TP53BP1: variants seen among roughly 807,000 people sequenced by gnomAD.
TP53BP1 encodes tumor protein p53 binding protein 1.
TP53BP1 carries 61 observed loss-of-function variants against 200.8 expected under a neutral mutation model. The observed-to-expected ratio is 0.30, with a 90% CI of 0.25 to 0.38. The LOEUF (loss-of-function observed/expected upper bound fraction) is 0.38, where lower values mean the gene tolerates loss of function less well. Among genes scored for constraint, TP53BP1 ranks in the 10% least tolerant of loss-of-function variants. TP53BP1 has a pLI of 1.00. For synonymous variants in TP53BP1, 822 were observed against 844.3 expected (o/e 0.97, Z 0.46); for missense variants, 2,144 against 2,371.9 (o/e 0.90, Z 2.00).
intron 14 of TP53BP1, 36 bp downstream of exon 14, chr15:43,446,351 C>T (rs369777834): frequency 5.2e-5 from 77 of 1,490,244 alleles, no homozygotes; most frequent in Non-Finnish European, 6.9e-5. Flanking sequence ...AGATAATCTG[C>T]AGCTACTAAT....
At chr15:43,458,118 T>C (rs1161596801) in intron 11 of TP53BP1, among the ~76,000 whole-genome samples, 1 of 151,870 alleles carries the variant, frequency 6.6e-6, no homozygotes, top group Non-Finnish European at 1.5e-5. Context: ...CACAATGAAA[T>C]ACCACTACAC....
At chr15:43,491,381 C>T (rs1202486933) in intron 4 of TP53BP1, among the ~76,000 whole-genome samples, 1 of 151,900 alleles carries the variant, frequency 6.6e-6, no homozygotes, top group African/African-American at 2.4e-5. Flanking sequence ...ATGCCTGGCC[C>T]CTAAATACTT....
At chr15:43,464,417 T>C (rs2046515456) in intron 11 of TP53BP1, among the ~76,000 whole-genome samples, 1 of 152,216 alleles carries the variant, frequency 6.6e-6, no homozygotes, top group East Asian at 1.9e-4. Context: ...AATTAAAAGA[T>C]GGTTGAACTG....
chr15:43,459,337 C>CA (rs1297684155), intron 11 of TP53BP1, among the ~76,000 whole-genome samples: 2 of 150,084 alleles, frequency 1.3e-5, no homozygotes, highest in African/African-American at 4.9e-5. Flanking sequence ...AGTCTGTCTC[C>CA]AAAAAAAAGA....
chr15:43,445,416 G>A (rs759212128), intron 14 of TP53BP1, among the ~76,000 whole-genome samples: 1 of 152,028 alleles, frequency 6.6e-6, no homozygotes, highest in Non-Finnish European at 1.5e-5. Flanking sequence ...CTCTCTGAAC[G>A]TTCCTTTATA....
intron 27 of TP53BP1, 63 bp downstream of exon 27, chr15:43,407,880 C>G: frequency 1.3e-6 from 2 of 1,523,378 alleles, no homozygotes; most frequent in Non-Finnish European, 1.8e-6. Context: ...ACCACAAGGC[C>G]TAACACCTAC....
chr15:43,438,171 AT>A (rs1381225599), intron 16 of TP53BP1, among the ~76,000 whole-genome samples, 152 bp downstream of exon 16: 1 of 152,196 alleles, frequency 6.6e-6, no homozygotes, highest in African/African-American at 2.4e-5. Context: ...CTTTATACCA[AT>A]ACCACTAATT....
chr15:43,501,626 C>T (rs1211808557), intron 1 of TP53BP1, among the ~76,000 whole-genome samples: 1 of 152,182 alleles, frequency 6.6e-6, no homozygotes, highest in Non-Finnish European at 1.5e-5. Context: ...TCCAGTCAAT[C>T]CCCATTCCAC....
At chr15:43,416,570 CA>C in intron 21 of TP53BP1, 154 bp from the exon 22 acceptor site, 1 of 621,090 alleles carries the variant, frequency 1.6e-6, no homozygotes, top group Non-Finnish European at 2.8e-6. Context: ...TTGTCAATCC[CA>C]AACAGTAACA....
At position 43,420,877 on chromosome 15, in the gene TP53BP1, CTG is replaced by C. The variant is rs1689799279; in HGVS notation, c.4251-144_4251-143del. ...CATCACAGGCATGAGCCTGGTCTCT[CTG>C]TGGCCTCACTCTGATCCCTGCCCAC... On this transcript the variant is annotated intron_variant, in intron 20 of 27. Transcript: ENST00000382044. The C allele has an allele frequency of 2.3e-6, 3 of 1,297,380 alleles. No homozygotes were observed. In the African/African-American group the frequency reaches 4.4e-5, roughly 19 times the overall value. 80.4% of individuals were successfully genotyped at this position (1,297,380 alleles called of 1,614,324 possible).
chr15:43,484,758 T>G (rs1334074690), intron 4 of TP53BP1, among the ~76,000 whole-genome samples: 1 of 149,594 alleles, frequency 6.7e-6, no homozygotes, highest in Non-Finnish European at 1.5e-5. Context: ...TGTTTTTTGT[T>G]TTTTTTTTTT....
At chr15:43,447,985 C>G (rs2143005859) in intron 12 of TP53BP1, among the ~76,000 whole-genome samples, 1 of 152,284 alleles carries the variant, frequency 6.6e-6, no homozygotes, top group East Asian at 1.9e-4. Flanking sequence ...AAAGAGATGA[C>G]AGAGGATCTC....
chr15:43,432,575 A>T lies in TP53BP1; in HGVS notation c.3294T>A (p.Ile1098=). ...GAGAAACAGGGTCCTTGACAGGACT[A>T]ATGGGCTTCATAGGCTGTTGACTCT... The part of the protein sequence containing the change: ...IRQSQQPMKP[I]SPVKDPVSPA... Residue 1098 remains isoleucine (I), a synonymous_variant, in exon 17 of 28, where the codon ATT becomes ATA. Transcript: ENST00000382044. The T allele has an allele frequency of 6.2e-7, 1 of 1,614,124 alleles. No homozygotes were observed. The highest frequency in any genetic ancestry group is 1.3e-5 in the African/African-American group (1 of 75,040).
Position 43,422,098 on chromosome 15 carries a change from T to C in TP53BP1, c.3857A>G (p.Gln1286Arg). The C allele has an allele frequency of 6.2e-7, 1 of 1,614,164 alleles. No individual in the cohort carries two copies. The highest frequency in any genetic ancestry group is 8.5e-7 in the Non-Finnish European group (1 of 1,180,032). Residue 1286 changes from glutamine to arginine, a missense_variant, in exon 19 of 28, where the codon CAG becomes CGG. Transcript: ENST00000382044. ...AGGGGAAACTTCAGTTTCACACTCC[T>C]GACACTCTACAATTGGCTCTTCAGT... ...EETEEPIVEC[Q>R]ECETEVSPSQ...
At position 43,413,293 on chromosome 15, in the gene TP53BP1, C is replaced by T. The variant is rs777156021; in HGVS notation, c.5131G>A (p.Gly1711Arg). ...GCAGAGGGTTCACCGGTGTTGTCTC[C>T]ACTCTCACAGGGGCTCACAAACTCT... ...AGEFVSPCES[G>R]DNTGEPSALE... is the part of the protein sequence containing the mutation. Residue 1711 changes from glycine (G) to arginine (R), a missense_variant, in exon 24 of 28, where the codon GGA becomes AGA. Coordinates refer to ENST00000382044, the MANE Select transcript of TP53BP1 (RefSeq NM_001141980.3). 1.2e-6 allele frequency: 2 copies of T among 1,614,128 alleles called. No homozygotes were observed. Among genetic ancestry groups the T allele is most frequent in the South Asian group, 2.2e-5 (2 of 91,072 alleles).
chr15:43,410,914 A>T (rs548391862), intron 24 of TP53BP1, among the ~76,000 whole-genome samples: 1 of 152,302 alleles, frequency 6.6e-6, no homozygotes, highest in South Asian at 2.1e-4. Flanking sequence ...CTCAAATTGA[A>T]ATCCCAAAAC....
upstream of TP53BP1, among the ~76,000 whole-genome samples, chr15:43,494,164 A>C (rs1417118729): frequency 2.6e-5 from 4 of 152,226 alleles, no homozygotes; most frequent in Non-Finnish European, 5.9e-5. Flanking sequence ...AGCTGTCAAT[A>C]GGGAAAGCAC....
At chr15:43,493,270 A>C (rs980036264), upstream of TP53BP1, 2 of 1,396,444 alleles carry the variant, frequency 1.4e-6, no homozygotes, top group Non-Finnish European at 1.9e-6. Context: ...GCCCCACGTA[A>C]GAAAAAGGAA....
At chr15:43,477,551 G>T (rs776028502) in intron 8 of TP53BP1, 42 bp downstream of exon 8, 1 of 1,545,142 alleles carries the variant, frequency 6.5e-7, no homozygotes, top group East Asian at 2.3e-5. Flanking sequence ...TAAAAGTTTA[G>T]ATCTTTGGAG....
Sources: gnomAD v4.1 joint callset for allele counts (sites outside exome capture counted in the v4.1 genomes callset) on GRCh38, gnomAD v4.1.1 for gene constraint, MANE v1.5 for transcripts, NCBI Gene and HGNC (gene_info 2026-07-23, HGNC 2026-07-21) for gene names.